LOC128125817: variants seen among roughly 807,000 people sequenced by gnomAD.
At chr1:41,591,189 C>T in the LOC128125817 span, among the ~76,000 whole-genome samples, 13 of 152,276 alleles carry the variant, frequency 8.5e-5, no homozygotes, top group African/African-American at 3.1e-4. Flanking sequence ...GACAGGCTGT[C>T]ATAAGACTGA....
chr1:41,604,345 A>C, the LOC128125817 span, among the ~76,000 whole-genome samples: 1 of 152,254 alleles, frequency 6.6e-6, no homozygotes, highest in African/African-American at 2.4e-5. Context: ...CATAGTAATA[A>C]AAAAGAACAA....
chr1:41,601,962 A>G, the LOC128125817 span, among the ~76,000 whole-genome samples: 25 of 152,244 alleles, frequency 1.6e-4, no homozygotes, highest in South Asian at 5.0e-3. Context: ...GGGTGTGTTG[A>G]ATTTTGTCAA....
chr1:41,586,806 C>T, the LOC128125817 span, among the ~76,000 whole-genome samples: 1 of 152,062 alleles, frequency 6.6e-6, no homozygotes, highest in Non-Finnish European at 1.5e-5. Flanking sequence ...CTTTTGTGTG[C>T]CTTTTCTACT....
At chr1:41,585,325 G>A in the LOC128125817 span, 2 of 398,934 alleles carry the variant, frequency 5.0e-6, no homozygotes, top group Admixed American at 4.4e-5. Context: ...TCTTCTGTGT[G>A]ATAGATGTAC....
chr1:41,588,281 G>T, the LOC128125817 span, among the ~76,000 whole-genome samples: 8 of 152,176 alleles, frequency 5.3e-5, no homozygotes, highest in Admixed American at 5.2e-4. Flanking sequence ...ATCCTTTCAT[G>T]CAAGGATCTG....
the LOC128125817 span, among the ~76,000 whole-genome samples, chr1:41,601,359 A>G: frequency 6.6e-6 from 1 of 152,280 alleles, no homozygotes; most frequent in East Asian, 1.9e-4. Flanking sequence ...ACATGTTAAC[A>G]ATATTAATTC....
chr1:41,603,327 C>T, the LOC128125817 span, among the ~76,000 whole-genome samples: 4 of 151,940 alleles, frequency 2.6e-5, no homozygotes, highest in African/African-American at 7.3e-5. Flanking sequence ...CTCGGCCTCC[C>T]AAAGCGCTGG....
At chr1:41,605,235 G>T in the LOC128125817 span, among the ~76,000 whole-genome samples, 1 of 151,602 alleles carries the variant, frequency 6.6e-6, no homozygotes, top group South Asian at 2.1e-4. Context: ...AGAAAGAAAA[G>T]AAATCAGGAT....
the LOC128125817 span, among the ~76,000 whole-genome samples, chr1:41,588,184 T>G: frequency 6.6e-6 from 1 of 152,218 alleles, no homozygotes; most frequent in African/African-American, 2.4e-5. Context: ...GGGCTGGGCC[T>G]CCTCAGCCTG....
At chr1:41,604,408 G>A in the LOC128125817 span, among the ~76,000 whole-genome samples, 1 of 152,092 alleles carries the variant, frequency 6.6e-6, no homozygotes, top group African/African-American at 2.4e-5. Context: ...ATAAGTAAAG[G>A]AATTCAGACA....
At chr1:41,606,492 T>C in the LOC128125817 span, among the ~76,000 whole-genome samples, 1 of 152,088 alleles carries the variant, frequency 6.6e-6, no homozygotes, top group Admixed American at 6.5e-5. Flanking sequence ...GAAGATATCA[T>C]TGCCTGCGAA....
At chr1:41,601,072 T>A in the LOC128125817 span, among the ~76,000 whole-genome samples, 1 of 152,222 alleles carries the variant, frequency 6.6e-6, no homozygotes, top group Non-Finnish European at 1.5e-5. Context: ...GCATATATAC[T>A]GGATTTATTT....
At chr1:41,627,694 AG>A in the LOC128125817 span, among the ~76,000 whole-genome samples, 1 of 152,176 alleles carries the variant, frequency 6.6e-6, no homozygotes, top group Non-Finnish European at 1.5e-5. Flanking sequence ...CTGGCATGCC[AG>A]GCTGGGAAAT....
the LOC128125817 span, among the ~76,000 whole-genome samples, chr1:41,593,834 A>G: frequency 6.6e-6 from 1 of 152,248 alleles, no homozygotes; most frequent in Admixed American, 6.5e-5. Context: ...CTCGGCTAAA[A>G]GCAAGGTGTC....
the LOC128125817 span, among the ~76,000 whole-genome samples, chr1:41,608,917 C>CA: frequency 0.084 from 10,405 of 123,492 alleles, 455 homozygotes; most frequent in Non-Finnish European, 0.1. Flanking sequence ...CTAAAAATAC[C>CA]AAAAAAAAAA....
the LOC128125817 span, among the ~76,000 whole-genome samples, chr1:41,591,573 A>G: frequency 3.6e-4 from 55 of 152,150 alleles, no homozygotes; most frequent in African/African-American, 1.3e-3. Context: ...ATCCTGGCAC[A>G]CAGCTTTCCA....
chr1:41,624,402 T>C, the LOC128125817 span, among the ~76,000 whole-genome samples: 1 of 152,204 alleles, frequency 6.6e-6, no homozygotes, highest in Non-Finnish European at 1.5e-5. Context: ...CTATAGCACA[T>C]GGGAACACAC....
At chr1:41,616,873 C>A in the LOC128125817 span, among the ~76,000 whole-genome samples, 1 of 152,210 alleles carries the variant, frequency 6.6e-6, no homozygotes, top group East Asian at 1.9e-4. Flanking sequence ...CTGTACCAGG[C>A]ACAGTTATAA....
chr1:41,592,061 T>C, the LOC128125817 span, among the ~76,000 whole-genome samples: 28 of 152,080 alleles, frequency 1.8e-4, no homozygotes, highest in Non-Finnish European at 3.7e-4. Context: ...GGACAGTGAG[T>C]AGCACACCTG....
Sources: allele counts gnomAD v4.1 joint callset (sites outside exome capture counted in the v4.1 genomes callset), GRCh38; gene constraint gnomAD v4.1.1; transcripts MANE v1.5.